The following SCN11A variants were observed in gnomAD, a reference collection of about 807,000 sequenced individuals.
The protein encoded by SCN11A is sodium voltage-gated channel alpha subunit 11.
In SCN11A, 122 loss-of-function variants were observed where a neutral mutation model predicts 162.2. That is an observed-to-expected ratio of 0.75 (90% CI 0.65 to 0.87). SCN11A has a LOEUF of 0.87. Among genes scored for constraint, SCN11A ranks in the 40% least tolerant of loss-of-function variants. The pLI, the probability that SCN11A is intolerant of heterozygous loss-of-function variation, is 0.00. For synonymous variants in SCN11A, 758 were observed against 751.5 expected (o/e 1.01, Z -0.14); for missense variants, 2,015 against 2,181.6 (o/e 0.92, Z 1.52).
At chr3:38,884,459 TATAG>T (rs901044291) in intron 21 of SCN11A, among the ~76,000 whole-genome samples, 10 of 152,338 alleles carry the variant, frequency 6.6e-5, no homozygotes, top group African/African-American at 9.6e-5. Context: ...ATCCTAAACT[TATAG>T]ATAATTTTTT....
chr3:39,051,087 C>T (rs1341786739), intron 1 of SCN11A, among the ~76,000 whole-genome samples: 2 of 151,354 alleles, frequency 1.3e-5, no homozygotes, highest in Non-Finnish European at 2.9e-5. Flanking sequence ...GCTGGTGTAC[C>T]GTTTTCGCCT....
rs759331474 is a variant in SCN11A, at chr3:38,905,236, T to C, written c.1559A>G (p.Gln520Arg). 6.2e-7 allele frequency: 1 copy of C among 1,614,120 alleles called. No homozygotes were observed. The highest frequency in any genetic ancestry group is 2.2e-5 in the East Asian group (1 of 44,884). Residue 520 changes from glutamine (Q) to arginine (R), a missense_variant, in exon 15 of 30, where the codon CAG becomes CGG. Gln to Arg is a conservative substitution (Grantham distance 43). Coordinates refer to ENST00000302328, the MANE Select transcript of SCN11A (RefSeq NM_001349253.2). ...GATGCTGACAGCACTCAGTGCTCTCTGCCTTTGGAGAGGATCTCCATGCTC... is the reference window on the plus strand; with the variant it reads ...GATGCTGACAGCACTCAGTGCTCTCCGCCTTTGGAGAGGATCTCCATGCTC... ...FDEHGDPLQR[Q>R]RALSAVSILT... is the part of the protein sequence containing the mutation.
chr3:38,897,336 T>G, intron 17 of SCN11A, 111 bp from the exon 18 acceptor site: 1 of 1,084,386 alleles, frequency 9.2e-7, no homozygotes, highest in Non-Finnish European at 1.3e-6. Context: ...CATCCAAAAC[T>G]CTCTTCAAAG....
chr3:38,919,953 C>T lies in SCN11A; in HGVS notation c.941G>A (p.Gly314Asp). The T allele has an allele frequency of 6.2e-7, 1 of 1,613,286 alleles. No homozygotes were observed. Among genetic ancestry groups the T allele is most frequent in the Non-Finnish European group, 8.5e-7 (1 of 1,179,424 alleles). The change falls in exon 11 of 30, where the codon GGC becomes GAC. Residue 314 changes from glycine (G) to aspartate (D), a missense_variant. Transcript: ENST00000302328. ...CTCTTACCTGTTACCCATCCAGATGCCACACATTTTGAATTCAGGTGAATT... is the reference window on the plus strand; with the variant it reads ...CTCTTACCTGTTACCCATCCAGATGTCACACATTTTGAATTCAGGTGAATT... ...KENSPEFKMCGIWMGNSACSI... is the reference protein window; with the variant it reads ...KENSPEFKMCDIWMGNSACSI...
chr3:38,864,747 G>A (rs890218732), intron 27 of SCN11A, among the ~76,000 whole-genome samples: 2 of 152,094 alleles, frequency 1.3e-5, no homozygotes, highest in Non-Finnish European at 2.9e-5. Context: ...CAGAACTAGG[G>A]CAGGAAGGGT....
Position 38,909,208 on chromosome 3 carries a change from A to G in SCN11A, c.1102-14T>C, listed in dbSNP as rs1320160779. 1 of 1,612,900 alleles carries G rather than the reference A, an allele frequency of 6.2e-7. No homozygotes were observed. On this transcript the variant is annotated splice_polypyrimidine_tract_variant and intron_variant, in intron 12 of 29. Transcript: ENST00000302328. ...AGTACGCAGGGTCTGCAAAGGACAG[A>G]GCATGTTCTTGAATATCAAACCTTC... is the stretch of plus-strand genomic sequence containing the variant.
intron 28 of SCN11A, among the ~76,000 whole-genome samples, chr3:38,855,705 G>A (rs939611622): frequency 3.9e-5 from 6 of 152,128 alleles, no homozygotes; most frequent in Non-Finnish European, 8.8e-5. Flanking sequence ...TGACTAACCA[G>A]AGGTCCTGAG....
intron 28 of SCN11A, among the ~76,000 whole-genome samples, chr3:38,855,763 A>G (rs1476453490): frequency 6.6e-6 from 1 of 152,216 alleles, no homozygotes; most frequent in Non-Finnish European, 1.5e-5. Context: ...CATTTGAGAA[A>G]GCCAGCATAC....
At chr3:38,966,755 C>T (rs2066784890) in intron 2 of SCN11A, among the ~76,000 whole-genome samples, 1 of 152,224 alleles carries the variant, frequency 6.6e-6, no homozygotes, top group Admixed American at 6.5e-5. Flanking sequence ...CTTCCTACCA[C>T]TGCCCTCCAC....
intron 15 of SCN11A, among the ~76,000 whole-genome samples, 153 bp downstream of exon 15, chr3:38,905,037 CAA>C (rs1169133882): frequency 6.6e-6 from 1 of 152,154 alleles, no homozygotes; most frequent in Non-Finnish European, 1.5e-5. Flanking sequence ...TTACATGCTC[CAA>C]AGAGGCAAAG....
At position 38,868,937 on chromosome 3, in the gene SCN11A, C is replaced by T. The variant is rs140452708; in HGVS notation, c.3814-1479G>A. On this transcript the variant is annotated intron_variant, in intron 26 of 29. Transcript: ENST00000302328. Reference sequence around the variant, plus strand: ...ATAGCCATGGGCCTGTCATGTTGGGCCTTGCAGCAAGGGATGGGAGTAGAC... The same window carrying T: ...ATAGCCATGGGCCTGTCATGTTGGGTCTTGCAGCAAGGGATGGGAGTAGAC... Among the ~76,000 whole-genome samples the T allele has an allele frequency of 5.3e-4, 80 of 152,156 alleles. No homozygotes were observed. The East Asian group carries it at 0.013, about 25-fold the overall frequency.
chr3:39,002,047 CA>C (rs1300789455), intron 2 of SCN11A, among the ~76,000 whole-genome samples: 1 of 149,208 alleles, frequency 6.7e-6, no homozygotes, highest in Non-Finnish European at 1.5e-5. Context: ...AAAAAAAAAA[CA>C]AAAAAAAACT....
Position 38,954,763 on chromosome 3 carries a change from T to G in SCN11A, c.-138-1004A>C, listed in dbSNP as rs568577829. Among the ~76,000 whole-genome samples, 8 of 152,118 alleles carry G rather than the reference T, an allele frequency of 5.3e-5. No individual in the cohort carries two copies. In the South Asian group the frequency reaches 1.7e-3, roughly 32 times the overall value. On this transcript the variant is annotated intron_variant, in intron 3 of 29. Transcript: ENST00000302328. ...TAACACTGTGGGAGGCTAAGGCAGA[T>G]GGATTACCTGAGGTCAGGAGTTTGA...
intron 15 of SCN11A, 82 bp downstream of exon 15, chr3:38,905,110 G>A (rs2065771516): frequency 6.3e-7 from 1 of 1,577,216 alleles, no homozygotes; most frequent in African/African-American, 1.3e-5. Flanking sequence ...CTTTGCAGAG[G>A]GCTTCTAGGG....
In SCN11A at chr3:39,007,868, T is replaced by C. The variant is rs116361930; in HGVS notation, c.-280+24512A>G. Among the ~76,000 whole-genome samples the C allele has an allele frequency of 8.0e-3, 1,212 of 152,272 alleles. 19 individuals carry two copies. The highest frequency in any genetic ancestry group is 0.028 in the African/African-American group (1,165 of 41,548). Reference sequence around the variant, plus strand: ...GGAAACCCCAGATATGTAGCAAAGTTGGAGAGAAGTGTGGATGGCCCTAAA... The same window carrying C: ...GGAAACCCCAGATATGTAGCAAAGTCGGAGAGAAGTGTGGATGGCCCTAAA... On this transcript the variant is annotated intron_variant, in intron 2 of 29. Coordinates refer to ENST00000302328, the MANE Select transcript of SCN11A (RefSeq NM_001349253.2).
At chr3:39,051,077 G>A (rs772125979) in intron 1 of SCN11A, among the ~76,000 whole-genome samples, 40 of 151,716 alleles carry the variant, frequency 2.6e-4, no homozygotes, top group Non-Finnish European at 5.3e-4. Context: ...AACAATTTTA[G>A]CTGGTGTACC....
At position 39,044,610 on chromosome 3, in the gene SCN11A, T is replaced by TTAA. The variant is rs2032142326; in HGVS notation, c.-404+7248_-404+7250dup. 3.9e-5 allele frequency among the ~76,000 whole-genome samples: 6 copies of TTAA among 152,098 alleles called. No individual in the cohort carries two copies. In the East Asian group the frequency reaches 9.6e-4, roughly 24 times the overall value. The stretch of plus-strand genomic sequence containing the variant: ...AGAAATTAAGAAGGACATTTAAAAA[T>TTAA]TAATTGAAACAAATGAAAACAGAAA... On this transcript the variant is annotated intron_variant, in intron 1 of 29. Transcript: ENST00000302328.
At chr3:38,865,974 A>C (rs964601950) in intron 27 of SCN11A, among the ~76,000 whole-genome samples, 7 of 152,222 alleles carry the variant, frequency 4.6e-5, no homozygotes, top group African/African-American at 1.7e-4. Context: ...GGTACCTAGC[A>C]CAGCATTTCT....
In SCN11A at chr3:38,863,292, C is replaced by T. The variant is rs781498036; in HGVS notation, c.3959G>A (p.Gly1320Asp). The change falls in exon 28 of 30, where the codon GGC becomes GAC. Residue 1320 changes from glycine to aspartate, a missense_variant. By Grantham distance (94) the Gly-to-Asp change is moderately conservative. Transcript: ENST00000302328. The part of the protein sequence containing the change: ...NFNQQQKKLG[G>D]QDIFMTEEQK... ...TTCTTCTGTCATAAAAATGTCTTGG[C>T]CACCTAAGTATATGGAGAAGATAAG... 12 of 1,559,510 alleles carry T rather than the reference C, an allele frequency of 7.7e-6. 1 individual carries two copies. The South Asian group carries it at 1.1e-4, about 15-fold the overall frequency.
Sources: gnomAD v4.1 joint callset for allele counts (sites outside exome capture counted in the v4.1 genomes callset) on GRCh38, gnomAD v4.1.1 for gene constraint, MANE v1.5 for transcripts, NCBI Gene and HGNC (gene_info 2026-07-23, HGNC 2026-07-21) for gene names.